The following ELOVL7 variants were observed in gnomAD, a reference collection of about 807,000 sequenced individuals.
ELOVL7 encodes the protein ELOVL fatty acid elongase 7, also known as very long chain fatty acid elongase 7.
ELOVL7 carries 27 observed loss-of-function variants against 35.7 expected under a neutral mutation model. The ratio of observed to expected loss-of-function variants is 0.76; its 90% CI spans 0.56 to 1.04. The LOEUF is 1.04. Ranked by LOEUF, ELOVL7 falls within the 50% of genes least tolerant of loss-of-function variation. ELOVL7 has a pLI of 0.00. For missense variants in ELOVL7, 327 were observed against 340.8 expected, an observed-to-expected ratio of 0.96 and a Z score of 0.32; for synonymous variants, 113 against 114.6, an observed-to-expected ratio of 0.99 and a Z score of 0.09.
intron 1 of ELOVL7, among the ~76,000 whole-genome samples, chr5:60,801,035 C>A (rs1235364580): frequency 2.6e-5 from 4 of 152,172 alleles, no homozygotes; most frequent in Admixed American, 2.0e-4. Flanking sequence ...TAAGGAAATT[C>A]TCCCACTATA....
chr5:60,806,693 T>C (rs1744944522), intron 1 of ELOVL7, among the ~76,000 whole-genome samples: 1 of 152,196 alleles, frequency 6.6e-6, no homozygotes, highest in South Asian at 2.1e-4. Context: ...GTTGGTTCTT[T>C]CTGAGGGCTG....
At chr5:60,785,855 T>G (rs1469788451) in intron 3 of ELOVL7, 1 of 152,336 alleles carries the variant, frequency 6.6e-6, no homozygotes, top group Non-Finnish European at 1.5e-5. Context: ...AAGGAAAAAC[T>G]GTTGGGAACA....
At chr5:60,810,057 G>A (rs763283613) in intron 1 of ELOVL7, among the ~76,000 whole-genome samples, 21 of 152,074 alleles carry the variant, frequency 1.4e-4, no homozygotes, top group Admixed American at 3.3e-4. Context: ...TCAAACTATC[G>A]CTCAGTGAGA....
At chr5:60,831,457 G>A (rs1014321605) in intron 1 of ELOVL7, among the ~76,000 whole-genome samples, 1 of 152,174 alleles carries the variant, frequency 6.6e-6, no homozygotes, top group African/African-American at 2.4e-5. Context: ...TGGACCTTCT[G>A]AAGTCCATCC....
intron 1 of ELOVL7, among the ~76,000 whole-genome samples, chr5:60,826,843 T>A (rs1328386228): frequency 1.3e-5 from 2 of 152,164 alleles, no homozygotes; most frequent in Admixed American, 1.3e-4. Flanking sequence ...TGGGGATAAT[T>A]TCTCTGCTTA....
intron 1 of ELOVL7, among the ~76,000 whole-genome samples, chr5:60,799,486 A>C (rs1744462732): frequency 6.6e-6 from 1 of 152,214 alleles, no homozygotes; most frequent in South Asian, 2.1e-4. Flanking sequence ...TTGGAAATGA[A>C]AGAAGAGACA....
intron 8 of ELOVL7, 39 bp from the exon 9 acceptor site, chr5:60,754,872 G>T: frequency 6.4e-7 from 1 of 1,570,132 alleles, no homozygotes; most frequent in Non-Finnish European, 8.7e-7. Context: ...ATTCAGATAT[G>T]AAGAGTTAAC....
chr5:60,826,563 G>T (rs904400752), intron 1 of ELOVL7, among the ~76,000 whole-genome samples: 6 of 152,120 alleles, frequency 3.9e-5, no homozygotes, highest in Non-Finnish European at 8.8e-5. Context: ...TAATGCCAGT[G>T]CCTGTTTTTT....
Position 60,762,213 on chromosome 5 carries a change from C to T in ELOVL7, c.499+2014G>A, listed in dbSNP as rs77263118. ...GTACCACTTAAAAACTGAGGTATGT[C>T]GCTTGAACCTGGGAAGCGGAGGTTG... On this transcript the variant is annotated intron_variant, in intron 7 of 8. Coordinates refer to ENST00000508821, the MANE Select transcript of ELOVL7 (RefSeq NM_024930.3). Among the ~76,000 whole-genome samples, 1,304 of 149,736 alleles carry T rather than the reference C, an allele frequency of 8.7e-3. 14 individuals are homozygous for T. Among genetic ancestry groups the T allele is most frequent in the African/African-American group, 0.031 (1,244 of 40,668 alleles).
At position 60,769,087 on chromosome 5, in the gene ELOVL7, CTGT is replaced by C. The variant is rs897441496; in HGVS notation, c.256-1187_256-1185del. ...TGACTTATAAGATAACTTAATCACA[CTGT>C]TAACTTGGTAAGTTATAAAATCTTG... On this transcript the variant is annotated intron_variant, in intron 4 of 8. Coordinates refer to ENST00000508821, the MANE Select transcript of ELOVL7 (RefSeq NM_024930.3). Among the ~76,000 whole-genome samples, 53 of 152,178 alleles carry C rather than the reference CTGT, an allele frequency of 3.5e-4. 1 individual carries two copies. Among genetic ancestry groups the C allele is most frequent in the Non-Finnish European group, 1.8e-4 (12 of 68,032 alleles).
intron 1 of ELOVL7, among the ~76,000 whole-genome samples, chr5:60,807,992 C>CAAAAAACAAAA (rs1745035794): frequency 2.4e-5 from 1 of 42,412 alleles, no homozygotes; most frequent in Non-Finnish European, 4.4e-5. Context: ...GACTCCGTCT[C>CAAAAAACAAAA]AAAAAAAAAA....
chr5:60,768,589 G>C lies in ELOVL7; in HGVS notation c.256-686C>G, dbSNP rs556049188. 3.4e-4 allele frequency: 143 copies of C among 423,444 alleles called. No homozygotes were observed. The Middle Eastern group carries it at 0.011, about 33-fold the overall frequency. 26.2% of individuals were successfully genotyped at this position (423,444 alleles called of 1,614,324 possible). On this transcript the variant is annotated intron_variant, in intron 4 of 8. Coordinates refer to ENST00000508821, the MANE Select transcript of ELOVL7 (RefSeq NM_024930.3). ...GATCCAAGGCTGATGTGACAAGAAA[G>C]AGCCTATTGTTGATAAATCTGAAGT... is the stretch of plus-strand genomic sequence containing the variant.
intron 3 of ELOVL7, among the ~76,000 whole-genome samples, chr5:60,772,634 C>T (rs879518434): frequency 6.6e-6 from 1 of 152,136 alleles, no homozygotes; most frequent in Non-Finnish European, 1.5e-5. Context: ...GGAATAGATA[C>T]CCCAACTCCA....
intron 1 of ELOVL7, among the ~76,000 whole-genome samples, chr5:60,817,096 TA>T (rs1745557108): frequency 6.6e-6 from 1 of 152,112 alleles, no homozygotes; most frequent in South Asian, 2.1e-4. Context: ...ATGTAAAGAT[TA>T]AATATGACCA....
chr5:60,826,976 G>C (rs946114857), intron 1 of ELOVL7, among the ~76,000 whole-genome samples: 5 of 152,036 alleles, frequency 3.3e-5, no homozygotes, highest in Admixed American at 6.6e-5. Flanking sequence ...TGTTATTAAG[G>C]TGTCTCAATT....
In ELOVL7 at chr5:60,751,810, T is replaced by C. The variant is rs994397210; in HGVS notation, c.*2814A>G. 2 of 152,106 alleles carry C rather than the reference T, an allele frequency of 1.3e-5. No individual in the cohort carries two copies. Among genetic ancestry groups the C allele is most frequent in the African/African-American group, 2.4e-5 (1 of 41,424 alleles). 9.4% of individuals were successfully genotyped at this position (152,106 alleles called of 1,614,324 possible). A position where few individuals can be genotyped will look rare whatever the true frequency, so the allele number is the denominator to read the frequency against. On this transcript the variant is annotated 3_prime_UTR_variant, in exon 9 of 9. Coordinates refer to ENST00000508821, the MANE Select transcript of ELOVL7 (RefSeq NM_024930.3). ...CACGTATACATGCAATACCACAAAT[T>C]TATTATAATACACAGGGAAAAACAA...
chr5:60,765,738 C>T (rs1742197942), intron 6 of ELOVL7, among the ~76,000 whole-genome samples: 1 of 152,140 alleles, frequency 6.6e-6, no homozygotes, highest in South Asian at 2.1e-4. Flanking sequence ...TGTATGTTCA[C>T]ACAAGTCCTT....
chr5:60,827,077 C>T (rs77375812), intron 1 of ELOVL7, among the ~76,000 whole-genome samples: 2,462 of 152,108 alleles, frequency 0.016, 38 homozygotes, highest in African/African-American at 0.035. Context: ...TAATTGAGAA[C>T]GAAATGTATA....
At chr5:60,763,501 G>A (rs1408496993) in intron 7 of ELOVL7, among the ~76,000 whole-genome samples, 1 of 152,016 alleles carries the variant, frequency 6.6e-6, no homozygotes, top group East Asian at 1.9e-4. Context: ...TTAAGAAACT[G>A]GAACAAATAA....
Sources: gnomAD v4.1 joint callset for allele counts (sites outside exome capture counted in the v4.1 genomes callset) on GRCh38, gnomAD v4.1.1 for gene constraint, MANE v1.5 for transcripts, NCBI Gene and HGNC (gene_info 2026-07-23, HGNC 2026-07-21) for gene names.